The following AK4 variants were observed in gnomAD, a reference collection of about 807,000 sequenced individuals.
AK4 encodes the protein adenylate kinase 4, also known as adenylate kinase 4, mitochondrial.
In AK4, 13 loss-of-function variants were observed where a neutral mutation model predicts 24.6. The ratio of observed to expected loss-of-function variants is 0.53; its 90% CI spans 0.34 to 0.84. AK4 has a LOEUF of 0.84. AK4 is among the 40% of genes least tolerant of loss of function. AK4 has a pLI of 0.01. For missense variants in AK4, 192 were observed against 288.2 expected, an observed-to-expected ratio of 0.67 and a Z score of 2.42; for synonymous variants, 88 against 107.0, an observed-to-expected ratio of 0.82 and a Z score of 1.10.
intron 4 of AK4, 68 bp downstream of exon 4, chr1:65,224,938 C>T: frequency 2.4e-6 from 3 of 1,247,736 alleles, no homozygotes; most frequent in Non-Finnish European, 3.5e-6. Flanking sequence ...CTGGGAGGAA[C>T]ACGGGGCTGA....
intron 1 of AK4, among the ~76,000 whole-genome samples, chr1:65,160,789 C>T (rs1035322376): frequency 2.0e-5 from 3 of 152,050 alleles, no homozygotes; most frequent in Admixed American, 6.6e-5. Context: ...GAGACAAGGT[C>T]TCACTATATT....
Position 65,224,759 on chromosome 1 carries a change from A to G in AK4, c.446A>G (p.Asp149Gly). ...DFNPPHVHGI[D>G]DVTGEPLVQQ... ...TTTATTTGGTATTTGTAGGGTATTG[A>G]TGACGTCACTGGTGAACCGTTAGTC... Residue 149 changes from aspartate (D) to glycine (G), a missense_variant, in exon 4 of 5, where the codon GAT becomes GGT. Coordinates refer to ENST00000327299, the MANE Select transcript of AK4 (RefSeq NM_013410.4). 3 of 1,612,310 alleles carry G rather than the reference A, an allele frequency of 1.9e-6. No individual in the cohort carries two copies. Among genetic ancestry groups the G allele is most frequent in the Non-Finnish European group, 2.5e-6 (3 of 1,179,318 alleles).
chr1:65,150,103 CT>C (rs1426578671), intron 1 of AK4, among the ~76,000 whole-genome samples: 2 of 152,104 alleles, frequency 1.3e-5, no homozygotes, highest in Non-Finnish European at 2.9e-5. Flanking sequence ...CTGTACCTTA[CT>C]TGGTGACTTG....
chr1:65,208,016 A>C (rs1401828441), intron 2 of AK4, among the ~76,000 whole-genome samples: 1 of 152,192 alleles, frequency 6.6e-6, no homozygotes, highest in African/African-American at 2.4e-5. Flanking sequence ...ATACAAGTAC[A>C]TGTGTCTTTT....
At chr1:65,191,555 T>A (rs2101042461) in intron 2 of AK4, among the ~76,000 whole-genome samples, 1 of 151,790 alleles carries the variant, frequency 6.6e-6, no homozygotes, top group Middle Eastern at 3.4e-3. Context: ...GGTTTTTTTT[T>A]TTCAGCAGAG....
At chr1:65,161,465 C>G (rs758063709) in intron 1 of AK4, among the ~76,000 whole-genome samples, 3 of 152,120 alleles carry the variant, frequency 2.0e-5, no homozygotes, top group Non-Finnish European at 4.4e-5. Context: ...GCAAGGAGTG[C>G]TTTGTTCACA....
intron 2 of AK4, among the ~76,000 whole-genome samples, chr1:65,208,837 T>C (rs1384449127): frequency 6.6e-6 from 1 of 152,236 alleles, no homozygotes; most frequent in South Asian, 2.1e-4. Context: ...CTGCCTCAGC[T>C]TGTTGCCGCA....
At chr1:65,201,441 TAACATTAAGG>T in intron 2 of AK4, among the ~76,000 whole-genome samples, 1 of 152,316 alleles carries the variant, frequency 6.6e-6, no homozygotes, top group Admixed American at 6.5e-5. Context: ...GACTAGATTT[TAACATTAAGG>T]AACATTAAGG....
intron 2 of AK4, among the ~76,000 whole-genome samples, chr1:65,199,921 C>T (rs915428756): frequency 3.3e-5 from 5 of 152,132 alleles, no homozygotes; most frequent in African/African-American, 1.2e-4. Flanking sequence ...TTCAGATTTT[C>T]CTATTAGAGA....
At chr1:65,170,181 G>A (rs999398828) in intron 1 of AK4, among the ~76,000 whole-genome samples, 1 of 152,000 alleles carries the variant, frequency 6.6e-6, no homozygotes, top group Non-Finnish European at 1.5e-5. Flanking sequence ...TTGAGACCAC[G>A]GTGAAACCCC....
At chr1:65,214,343 G>A (rs1044139761) in intron 2 of AK4, among the ~76,000 whole-genome samples, 10 of 151,944 alleles carry the variant, frequency 6.6e-5, no homozygotes, top group Admixed American at 1.3e-4. Flanking sequence ...ACTCCTGACC[G>A]CAAGTGATCC....
intron 1 of AK4, among the ~76,000 whole-genome samples, chr1:65,173,458 G>T (rs192989534): frequency 6.6e-6 from 1 of 152,116 alleles, no homozygotes; most frequent in Non-Finnish European, 1.5e-5. Context: ...TATTTTCTCT[G>T]GTCACCTCTT....
At chr1:65,208,268 A>G (rs968120325) in intron 2 of AK4, among the ~76,000 whole-genome samples, 1 of 152,168 alleles carries the variant, frequency 6.6e-6, no homozygotes, top group African/African-American at 2.4e-5. Flanking sequence ...ACTGGATGAC[A>G]TGGAATATGG....
At chr1:65,188,004 G>A (rs898117210) in intron 1 of AK4, among the ~76,000 whole-genome samples, 4 of 152,212 alleles carry the variant, frequency 2.6e-5, no homozygotes, top group African/African-American at 7.2e-5. Flanking sequence ...GTACTCAAGA[G>A]ATATGGAGCC....
At chr1:65,220,863 T>C (rs1405684842) in intron 3 of AK4, among the ~76,000 whole-genome samples, 3 of 152,060 alleles carry the variant, frequency 2.0e-5, no homozygotes, top group Non-Finnish European at 2.9e-5. Flanking sequence ...GTATATCTGT[T>C]TGTGTGTGTG....
intron 2 of AK4, among the ~76,000 whole-genome samples, chr1:65,217,610 C>A (rs566236273): frequency 6.6e-6 from 1 of 152,102 alleles, no homozygotes; most frequent in Non-Finnish European, 1.5e-5. Flanking sequence ...GTAGCCCCAC[C>A]AGAGCCAAAC....
At position 65,193,976 on chromosome 1, in the gene AK4, CA is replaced by C. The variant is rs543923436; in HGVS notation, c.265+3148del. ...GTGTGGTGGCATGTGCCTATAATCC[CA>C]GCTACTTGGGAGCTGAGGTGAGAGG... On this transcript the variant is annotated intron_variant, in intron 2 of 4. Coordinates refer to ENST00000327299, the MANE Select transcript of AK4 (RefSeq NM_013410.4). 2.6e-4 allele frequency among the ~76,000 whole-genome samples: 40 copies of C among 152,284 alleles called. 2 individuals are homozygous for C. The East Asian group carries it at 7.3e-3, about 28-fold the overall frequency.
rs796722661 is a variant in AK4, at chr1:65,205,847, A to G, written c.266-12907A>G. 2.0e-5 allele frequency among the ~76,000 whole-genome samples: 3 copies of G among 152,176 alleles called. No homozygotes were observed. The South Asian group carries it at 6.2e-4, about 32-fold the overall frequency. On this transcript the variant is annotated intron_variant, in intron 2 of 4. Coordinates refer to ENST00000327299, the MANE Select transcript of AK4 (RefSeq NM_013410.4). ...TGTGTTTCCTTCTACTTTCAGGCAC[A>G]CTCATATCTTTTATTTTGAGGGCAG...
At chr1:65,215,451 C>A (rs564460084) in intron 2 of AK4, among the ~76,000 whole-genome samples, 191 of 152,284 alleles carry the variant, frequency 1.3e-3, no homozygotes, top group African/African-American at 4.4e-3. Context: ...GGATTACAGG[C>A]GTGAGCCACC....
Sources: gnomAD v4.1 joint callset for allele counts (sites outside exome capture counted in the v4.1 genomes callset) on GRCh38, gnomAD v4.1.1 for gene constraint, MANE v1.5 for transcripts, NCBI Gene and HGNC (gene_info 2026-07-23, HGNC 2026-07-21) for gene names.